The following NRCAM variants were observed in gnomAD, a reference collection of about 807,000 sequenced individuals.
NRCAM encodes the protein NgCAM-related cell adhesion molecule.
A neutral mutation model predicts 156.5 loss-of-function variants in NRCAM; 83 were observed. That is an observed-to-expected ratio of 0.53 (90% CI 0.44 to 0.64). NRCAM has a LOEUF of 0.64. Among genes scored for constraint, NRCAM ranks in the 30% least tolerant of loss-of-function variants. NRCAM has a pLI of 0.00. For missense variants in NRCAM, 1,417 were observed against 1,597.3 expected, an observed-to-expected ratio of 0.89 and a Z score of 1.92; for synonymous variants, 538 against 563.9, an observed-to-expected ratio of 0.95 and a Z score of 0.65.
chr7:108,343,071 C>T (rs2099311741), intron 2 of NRCAM, among the ~76,000 whole-genome samples: 1 of 152,186 alleles, frequency 6.6e-6, no homozygotes, highest in Admixed American at 6.5e-5. Context: ...CTGATCCCGA[C>T]CTCAACTTGT....
intron 3 of NRCAM, among the ~76,000 whole-genome samples, chr7:108,267,504 G>A (rs533437685): frequency 7.2e-5 from 11 of 152,256 alleles, no homozygotes; most frequent in African/African-American, 2.4e-4. Flanking sequence ...TTGATTACAC[G>A]TGTCCGTATA....
intron 25 of NRCAM, 139 bp from the exon 26 acceptor site, chr7:108,178,251 T>C: frequency 1.3e-6 from 1 of 757,756 alleles, no homozygotes; most frequent in South Asian, 1.9e-5. Context: ...AATACATTAG[T>C]ACAAACCTGT....
intron 32 of NRCAM, chr7:108,156,450 T>C: frequency 2.0e-6 from 2 of 982,450 alleles, no homozygotes; most frequent in Non-Finnish European, 2.4e-6. Flanking sequence ...TCCTACTGTC[T>C]GTATAATTAA....
intron 2 of NRCAM, among the ~76,000 whole-genome samples, chr7:108,386,815 C>G (rs886110523): frequency 6.6e-6 from 1 of 152,036 alleles, no homozygotes; most frequent in Non-Finnish European, 1.5e-5. Flanking sequence ...ACAAAACATA[C>G]GTGTTTGAAT....
chr7:108,455,451 C>T (rs1057311712), intron 1 of NRCAM, among the ~76,000 whole-genome samples: 5 of 152,166 alleles, frequency 3.3e-5, no homozygotes, highest in Admixed American at 1.3e-4. Context: ...AGCAATCTTT[C>T]CAGGCAGCCC....
chr7:108,311,204 G>A (rs894192596), intron 3 of NRCAM, among the ~76,000 whole-genome samples: 1 of 152,106 alleles, frequency 6.6e-6, no homozygotes, highest in Non-Finnish European at 1.5e-5. Flanking sequence ...TATTATCTAC[G>A]AAAGAATTTT....
At chr7:108,167,188 G>A in intron 29 of NRCAM, 115 bp from the exon 30 acceptor site, 1 of 696,918 alleles carries the variant, frequency 1.4e-6, no homozygotes, top group South Asian at 2.1e-5. Context: ...AGGATGCTTA[G>A]GTTTACCATT....
chr7:108,176,683 C>T (rs1215921521), intron 26 of NRCAM, 77 bp from the exon 27 acceptor site: 2 of 1,141,952 alleles, frequency 1.8e-6, no homozygotes, highest in Non-Finnish European at 2.5e-6. Context: ...AATACGTCAA[C>T]TAAAAATGTT....
intron 3 of NRCAM, among the ~76,000 whole-genome samples, chr7:108,260,235 C>T (rs1473769252): frequency 1.3e-5 from 2 of 152,082 alleles, no homozygotes; most frequent in Admixed American, 1.3e-4. Context: ...CAAGAAAGGG[C>T]ATTAAACAAT....
At chr7:108,357,092 C>A (rs1327678797) in intron 2 of NRCAM, among the ~76,000 whole-genome samples, 1 of 152,190 alleles carries the variant, frequency 6.6e-6, no homozygotes, top group Non-Finnish European at 1.5e-5. Flanking sequence ...GACTTCCCAG[C>A]CTTCCAGTCT....
At chr7:108,338,166 C>A (rs973478972) in intron 2 of NRCAM, among the ~76,000 whole-genome samples, 1 of 152,228 alleles carries the variant, frequency 6.6e-6, no homozygotes, top group Admixed American at 6.5e-5. Context: ...GAGATCATGG[C>A]GCAGCCAGAA....
intron 2 of NRCAM, among the ~76,000 whole-genome samples, chr7:108,316,952 G>A (rs2098933357): frequency 6.6e-6 from 1 of 152,182 alleles, no homozygotes; most frequent in South Asian, 2.1e-4. Flanking sequence ...AGGTGTGACT[G>A]CAAGGTGTAA....
Position 108,184,126 on chromosome 7 carries a change from A to AT in NRCAM, c.2304+114dup, listed in dbSNP as rs1181427308. 1.2e-3 allele frequency: 633 copies of AT among 538,290 alleles called. 2 individuals carry two copies. The highest frequency in any genetic ancestry group is 0.011 in the African/African-American group (442 of 39,612). The allele number at this position is 538,290 out of a possible 1,614,324, so 33.3% of individuals were successfully genotyped here. On this transcript the variant is annotated intron_variant, in intron 22 of 32. Transcript: ENST00000379028. ...TATATGTATCTTTATATATATATAT[A>AT]TATTTTTTTTCCCCAGAAATAGGTG...
intron 3 of NRCAM, among the ~76,000 whole-genome samples, chr7:108,285,803 C>T (rs990703415): frequency 6.6e-6 from 1 of 152,172 alleles, no homozygotes; most frequent in African/African-American, 2.4e-5. Flanking sequence ...TCAGAAACTC[C>T]ACCATCTATC....
chr7:108,379,790 G>C (rs2099692884), intron 2 of NRCAM, among the ~76,000 whole-genome samples: 1 of 152,200 alleles, frequency 6.6e-6, no homozygotes, highest in Non-Finnish European at 1.5e-5. Context: ...CAGCTAAAGA[G>C]AGTATTATTT....
intron 2 of NRCAM, among the ~76,000 whole-genome samples, chr7:108,384,135 T>C (rs902655059): frequency 6.6e-6 from 1 of 152,132 alleles, no homozygotes; most frequent in African/African-American, 2.4e-5. Context: ...AAAAGATAAC[T>C]ATTGGGTACT....
intron 3 of NRCAM, among the ~76,000 whole-genome samples, chr7:108,267,143 CT>C (rs974345190): frequency 6.6e-6 from 1 of 152,196 alleles, no homozygotes; most frequent in Non-Finnish European, 1.5e-5. Context: ...GAACCAGAAT[CT>C]TTTATAATAA....
At chr7:108,351,183 G>A (rs549442060) in intron 2 of NRCAM, among the ~76,000 whole-genome samples, 17 of 152,290 alleles carry the variant, frequency 1.1e-4, no homozygotes, top group African/African-American at 4.1e-4. Flanking sequence ...AAAGGGATGA[G>A]TTTGGCCCCC....
chr7:108,291,683 C>T (rs2098294999), intron 3 of NRCAM, among the ~76,000 whole-genome samples: 1 of 151,922 alleles, frequency 6.6e-6, no homozygotes, highest in Admixed American at 6.6e-5. Context: ...TTACAGAGAA[C>T]AGGAGAGGAA....
Sources: gnomAD v4.1 joint callset for allele counts (sites outside exome capture counted in the v4.1 genomes callset) on GRCh38, gnomAD v4.1.1 for gene constraint, MANE v1.5 for transcripts, NCBI Gene and HGNC (gene_info 2026-07-23, HGNC 2026-07-21) for gene names.